Variants in NXN observed in about 807,000 individuals in gnomAD.
NXN encodes the protein nucleoredoxin, also known as nucleoredoxin 1.
NXN carries 16 observed loss-of-function variants against 48.6 expected under a neutral mutation model. The observed-to-expected ratio is 0.33, with a 90% confidence interval of 0.22 to 0.50. The LOEUF (loss-of-function observed/expected upper bound fraction) is 0.50, where lower values mean the gene tolerates loss of function less well. Among genes scored for constraint, NXN ranks in the 20% least tolerant of loss-of-function variants. The pLI, the probability that NXN is intolerant of heterozygous loss-of-function variation, is 0.98. For missense variants in NXN, 492 were observed against 605.5 expected, an observed-to-expected ratio of 0.81 and a Z score of 1.97; for synonymous variants, 281 against 269.6, an observed-to-expected ratio of 1.04 and a Z score of -0.41.
At chr17:931,632 C>G (rs1438153724) in intron 1 of NXN, among the ~76,000 whole-genome samples, 1 of 141,254 alleles carries the variant, frequency 7.1e-6, no homozygotes, top group Non-Finnish European at 1.5e-5. Context: ...GTCAGGAGAT[C>G]GAGACCATCC....
chr17:870,386 T>C (rs2068138775), intron 1 of NXN, among the ~76,000 whole-genome samples: 1 of 152,062 alleles, frequency 6.6e-6, no homozygotes, highest in South Asian at 2.1e-4. Context: ...TGTCTCACTG[T>C]TATCACGTGA....
intron 2 of NXN, among the ~76,000 whole-genome samples, chr17:824,513 C>T (rs976745011): frequency 6.6e-6 from 1 of 152,182 alleles, no homozygotes; most frequent in African/African-American, 2.4e-5. Context: ...ACCCGATACC[C>T]GGGATTGTGG....
rs1375935364 is a variant in NXN at position 957,970 on chromosome 17, G to A, written c.360+21349C>T. ...GGAACCTCTGTTTTCCTCACAGAAC[G>A]TGAAAATGTTTCCACGGAGCACGGG... On this transcript the variant is annotated intron_variant, in intron 1 of 7. Transcript: ENST00000336868. Among the ~76,000 whole-genome samples the A allele has an allele frequency of 3.3e-5, 5 of 152,056 alleles. 1 individual carries two copies. Among genetic ancestry groups the A allele is most frequent in the South Asian group, 2.1e-4 (1 of 4,814 alleles).
intron 1 of NXN, among the ~76,000 whole-genome samples, chr17:929,375 C>T (rs1292473086): frequency 1.3e-5 from 2 of 152,178 alleles, no homozygotes; most frequent in African/African-American, 2.4e-5. Flanking sequence ...TGACTGTGCA[C>T]GAAACTCCAG....
intron 5 of NXN, among the ~76,000 whole-genome samples, chr17:808,305 A>ATTTT (rs10644625): frequency 1.4e-5 from 2 of 140,426 alleles, no homozygotes; most frequent in African/African-American, 2.6e-5. Flanking sequence ...TGAAATACAC[A>ATTTT]TTTTTTTTTT....
chr17:939,891 G>A (rs552408204), intron 1 of NXN, among the ~76,000 whole-genome samples: 8 of 152,162 alleles, frequency 5.3e-5, no homozygotes, highest in South Asian at 4.2e-4. Context: ...ACACTGTGGC[G>A]GGCCCTGCAG....
In NXN at chr17:966,210, C is replaced by T. The variant is rs371526233; in HGVS notation, c.360+13109G>A. Reference sequence around the variant, plus strand: ...AACATCTACAACAAGCTTGTCCAACCCACAGCACGCGGACACATGTGGCCC... The same window carrying T: ...AACATCTACAACAAGCTTGTCCAACTCACAGCACGCGGACACATGTGGCCC... On this transcript the variant is annotated intron_variant, in intron 1 of 7. Coordinates refer to ENST00000336868, the MANE Select transcript of NXN (RefSeq NM_022463.5). Among the ~76,000 whole-genome samples the T allele has an allele frequency of 3.6e-4, 55 of 152,196 alleles. 1 individual carries two copies. In the East Asian group the frequency reaches 6.5e-3, roughly 18 times the overall value.
intron 5 of NXN, among the ~76,000 whole-genome samples, chr17:815,875 C>T (rs915436493): frequency 6.6e-6 from 1 of 152,344 alleles, no homozygotes; most frequent in Middle Eastern, 3.4e-3. Flanking sequence ...CACGTGCACA[C>T]ACAGAGGCCA....
chr17:933,855 C>T (rs1203819538), intron 1 of NXN, among the ~76,000 whole-genome samples: 1 of 152,080 alleles, frequency 6.6e-6, no homozygotes, highest in Non-Finnish European at 1.5e-5. Flanking sequence ...AATACCAGAA[C>T]ACTTATCAAT....
chr17:929,639 C>CT (rs1338056226), intron 1 of NXN: 1 of 152,210 alleles, frequency 6.6e-6, no homozygotes, highest in Non-Finnish European at 1.5e-5. Flanking sequence ...TCAACCTTAG[C>CT]TTAGCATTTC....
intron 5 of NXN, 146 bp from the exon 6 acceptor site, chr17:805,393 G>A: frequency 1.1e-6 from 1 of 872,268 alleles, no homozygotes; most frequent in Non-Finnish European, 1.7e-6. Context: ...AAGAGGCCAG[G>A]TCTAAAGTCA....
chr17:915,878 G>GGCGGCCACTTATGGTGTCAGAGCAGA (rs1172944458), intron 1 of NXN, among the ~76,000 whole-genome samples: 1 of 105,926 alleles, frequency 9.4e-6, no homozygotes, highest in East Asian at 4.6e-4. Context: ...GTCAGAGCTG[G>GGCGGCCACTTATGGTGTCAGAGCAGA]AACTTCCAGC....
At chr17:925,249 C>T (rs2068787629) in intron 1 of NXN, among the ~76,000 whole-genome samples, 1 of 152,190 alleles carries the variant, frequency 6.6e-6, no homozygotes, top group South Asian at 2.1e-4. Context: ...ATACTCTTGA[C>T]AGCTGGTCAC....
In NXN at chr17:919,536, G is replaced by C. The variant is rs997310149; in HGVS notation, c.360+59783C>G. Among the ~76,000 whole-genome samples the C allele has an allele frequency of 6.6e-6, 1 of 152,148 alleles. No homozygotes were observed. The highest frequency in any genetic ancestry group is 2.4e-5 in the African/African-American group (1 of 41,420). ...CCAGAAATTAAAGTGGCAGTTTTGG[G>C]AGGACGCAGTCAAACGGCTTTCTAC... On this transcript the variant is annotated intron_variant, in intron 1 of 7. Transcript: ENST00000336868. This position sits in a 1 kb window ranked among gnomAD's most constrained non-coding sequence, Gnocchi z 5.1.
intron 1 of NXN, among the ~76,000 whole-genome samples, chr17:875,999 G>C (rs1425357152): frequency 2.0e-5 from 3 of 151,932 alleles, no homozygotes; most frequent in Non-Finnish European, 4.4e-5. Context: ...CTGGCTATCA[G>C]GGTGAAACCC....
intron 1 of NXN, among the ~76,000 whole-genome samples, chr17:884,903 AAAGT>A (rs1352448346): frequency 2.6e-5 from 4 of 152,214 alleles, no homozygotes; most frequent in African/African-American, 7.2e-5. Context: ...GGAGCTAAAG[AAAGT>A]GTGGGCTTTC....
chr17:962,991 G>A lies in NXN; in HGVS notation c.360+16328C>T, dbSNP rs569536449. ...CAGCCTGAGACATTTCCCATCTAAG[G>A]AGAGCGGTGGTTTGAGGGATTCTGT... On this transcript the variant is annotated intron_variant, in intron 1 of 7. Coordinates refer to ENST00000336868, the MANE Select transcript of NXN (RefSeq NM_022463.5). Among the ~76,000 whole-genome samples the A allele has an allele frequency of 4.6e-5, 7 of 152,184 alleles. No homozygotes were observed. In the East Asian group the frequency reaches 1.4e-3, roughly 29 times the overall value.
At chr17:925,359 A>G (rs2068788528) in intron 1 of NXN, among the ~76,000 whole-genome samples, 1 of 152,182 alleles carries the variant, frequency 6.6e-6, no homozygotes, top group African/African-American at 2.4e-5. Context: ...ACCCAGGAAC[A>G]CAGAGGAGGC....
At chr17:801,443 C>CTTTTTTTTTTTTTTTTTTTTTTT (rs71371579) in intron 7 of NXN, among the ~76,000 whole-genome samples, 1 of 104,316 alleles carries the variant, frequency 9.6e-6, no homozygotes, top group Non-Finnish European at 1.8e-5. Flanking sequence ...ATGTCACATT[C>CTTTTTTTTTTTTTTTTTTTTTTT]TTTTTTTTTT....
Sources: gnomAD v4.1 joint callset for allele counts (sites outside exome capture counted in the v4.1 genomes callset) on GRCh38, gnomAD v4.1.1 for gene constraint, Gnocchi (gnomAD v3.1) non-coding constraint, MANE v1.5 for transcripts, NCBI Gene and HGNC (gene_info 2026-07-23, HGNC 2026-07-21) for gene names.